PLEKHG1: variants seen among roughly 807,000 people sequenced by gnomAD.
PLEKHG1 encodes the protein pleckstrin homology domain-containing family G member 1.
A neutral mutation model predicts 100.8 loss-of-function variants in PLEKHG1; 44 were observed. The observed-to-expected ratio is 0.44, with a 90% CI of 0.34 to 0.56. PLEKHG1 has a LOEUF of 0.56. Among genes scored for constraint, PLEKHG1 ranks in the 20% least tolerant of loss-of-function variants. PLEKHG1 has a pLI of 0.01. For synonymous variants in PLEKHG1, 640 were observed against 662.5 expected, an observed-to-expected ratio of 0.97 and a Z score of 0.52; for missense variants, 1,545 against 1,720.9, an observed-to-expected ratio of 0.90 and a Z score of 1.81.
chr6:150,783,887 T>G (rs1785464263), intron 3 of PLEKHG1, among the ~76,000 whole-genome samples: 1 of 152,184 alleles, frequency 6.6e-6, no homozygotes, highest in Non-Finnish European at 1.5e-5. Flanking sequence ...TTCTACTAAA[T>G]TTTTTTGTTT....
exon 1 of PLEKHG1, chr6:150,599,969 C>T (rs926918438): frequency 4.3e-6 from 1 of 230,844 alleles, no homozygotes. Flanking sequence ...GCACCCTCCC[C>T]GCCCGACCTG....
At chr6:150,767,242 T>C (rs771071973) in intron 2 of PLEKHG1, among the ~76,000 whole-genome samples, 4 of 152,214 alleles carry the variant, frequency 2.6e-5, no homozygotes, top group Non-Finnish European at 5.9e-5. Context: ...GTCTGTCCTA[T>C]GCAGGTACTC....
intron 7 of PLEKHG1, among the ~76,000 whole-genome samples, chr6:150,805,142 T>C (rs1214330157): frequency 6.6e-6 from 1 of 151,520 alleles, no homozygotes; most frequent in South Asian, 2.1e-4. Flanking sequence ...TCCATGTTGG[T>C]CAGGCTGGTC....
upstream of PLEKHG1, among the ~76,000 whole-genome samples, chr6:150,719,972 G>A (rs546802587): frequency 6.6e-6 from 1 of 152,238 alleles, no homozygotes; most frequent in South Asian, 2.1e-4. Context: ...ATCCTATTAT[G>A]TTGTTAGTTT....
At chr6:150,800,641 C>T (rs1206178465) in intron 5 of PLEKHG1, 78 bp from the exon 7 acceptor site, 3 of 1,360,302 alleles carry the variant, frequency 2.2e-6, no homozygotes, top group Non-Finnish European at 3.1e-6. Flanking sequence ...AGGGCATTTA[C>T]ACTTGCAATA....
At chr6:150,719,295 CAA>C (rs5880896), upstream of PLEKHG1, among the ~76,000 whole-genome samples, 43 of 147,758 alleles carry the variant, frequency 2.9e-4, no homozygotes, top group Middle Eastern at 6.9e-3. Flanking sequence ...TGGCAAAAAG[CAA>C]AAAAAAAAAT....
At chr6:150,808,993 A>G in intron 7 of PLEKHG1, 112 bp from the exon 9 acceptor site, 1 of 778,718 alleles carries the variant, frequency 1.3e-6, no homozygotes, top group Non-Finnish European at 2.1e-6. Flanking sequence ...AGATAGTTAG[A>G]CCCCCTCAGG....
chr6:150,775,750 A>C (rs2128644260), intron 3 of PLEKHG1, among the ~76,000 whole-genome samples: 1 of 152,340 alleles, frequency 6.6e-6, no homozygotes, highest in South Asian at 2.1e-4. Context: ...GGATTCGTAC[A>C]ACAGCAAGGC....
intron 7 of PLEKHG1, among the ~76,000 whole-genome samples, chr6:150,805,872 A>G (rs1053113896): frequency 6.6e-6 from 1 of 152,168 alleles, no homozygotes. Context: ...CTAAAGGCCT[A>G]TCCAGCACAA....
At chr6:150,689,004 A>T (rs1429169744) in intron 3 of PLEKHG1, among the ~76,000 whole-genome samples, 1 of 152,214 alleles carries the variant, frequency 6.6e-6, no homozygotes, top group Non-Finnish European at 1.5e-5. Context: ...CCCCAAACAA[A>T]AATTCTGTAA....
At chr6:150,740,705 C>CT (rs1376286866) in intron 2 of PLEKHG1, among the ~76,000 whole-genome samples, 3 of 152,208 alleles carry the variant, frequency 2.0e-5, no homozygotes, top group Non-Finnish European at 4.4e-5. Context: ...ATTTAATGTA[C>CT]TTTTTTATGA....
At position 150,754,563 on chromosome 6, in the gene PLEKHG1, C is replaced by CA. The variant is rs917053987; in HGVS notation, c.412-14069dup. On this transcript the variant is annotated intron_variant, in intron 2 of 15. Transcript: ENST00000358517. ...GATGAGAGAGAGGACAAGTCAGTTTCAAAAAAGATATAGGTGGGAGAGGAG... is the reference window on the plus strand; with the variant it reads ...GATGAGAGAGAGGACAAGTCAGTTTCAAAAAAAGATATAGGTGGGAGAGGAG... Among the ~76,000 whole-genome samples the CA allele has an allele frequency of 4.0e-5, 6 of 151,212 alleles. No individual in the cohort carries two copies. The East Asian group carries it at 7.8e-4, about 20-fold the overall frequency.
rs572296911 is a variant in PLEKHG1 at position 150,790,316 on chromosome 6, C to T, written c.582+3857C>T. ...TGCTGGGATTACAGGCGTGAGCCACCGTGCCTGGCCAAAATCAAAATATTT... is the reference window on the plus strand; with the variant it reads ...TGCTGGGATTACAGGCGTGAGCCACTGTGCCTGGCCAAAATCAAAATATTT... On this transcript the variant is annotated intron_variant, in intron 4 of 15. Coordinates refer to ENST00000358517, the Ensembl canonical transcript of PLEKHG1. Among the ~76,000 whole-genome samples, 139 of 152,290 alleles carry T rather than the reference C, an allele frequency of 9.1e-4. 2 individuals are homozygous for T. The highest frequency in any genetic ancestry group is 3.2e-3 in the African/African-American group (132 of 41,572).
chr6:150,710,788 T>G (rs1199796278), intron 3 of PLEKHG1, among the ~76,000 whole-genome samples: 2 of 152,158 alleles, frequency 1.3e-5, no homozygotes, highest in African/African-American at 4.8e-5. Flanking sequence ...TGGTCTTTTC[T>G]CTTTGGCTGG....
Position 150,786,335 on chromosome 6 carries a change from G to A in PLEKHG1, c.513-55G>A. On this transcript the variant is annotated intron_variant, in intron 3 of 15. Coordinates refer to ENST00000358517, the Ensembl canonical transcript of PLEKHG1. ...TTTAAACTTTTAAATTATACAAAAT[G>A]TACTCACCCAGAAGACTACAATCTA... The A allele has an allele frequency of 4.5e-6, 5 of 1,109,286 alleles. No homozygotes were observed. The South Asian group carries it at 5.2e-5, about 12-fold the overall frequency. The allele number at this position is 1,109,286 out of a possible 1,614,324, so 68.7% of individuals were successfully genotyped here. A position where few individuals can be genotyped will look rare whatever the true frequency, so the allele number is the denominator to read the frequency against.
chr6:150,712,639 C>T (rs1211781516), intron 3 of PLEKHG1, among the ~76,000 whole-genome samples: 1 of 152,284 alleles, frequency 6.6e-6, no homozygotes, highest in African/African-American at 2.4e-5. Flanking sequence ...TCTTTCCTTT[C>T]CTTTGTTCTG....
intron 1 of PLEKHG1, among the ~76,000 whole-genome samples, chr6:150,634,015 G>C (rs1449315263): frequency 6.8e-6 from 1 of 147,510 alleles, no homozygotes; most frequent in Non-Finnish European, 1.5e-5. Context: ...GCCGAGGCAG[G>C]CGAATCACCT....
chr6:150,656,707 A>C (rs981036088), intron 3 of PLEKHG1, among the ~76,000 whole-genome samples: 17 of 152,232 alleles, frequency 1.1e-4, no homozygotes, highest in Admixed American at 9.8e-4. Flanking sequence ...GTTCTGTGGA[A>C]GATAGTTTGG....
intron 3 of PLEKHG1, among the ~76,000 whole-genome samples, chr6:150,664,871 T>A (rs1779337006): frequency 6.6e-6 from 1 of 152,210 alleles, no homozygotes; most frequent in Non-Finnish European, 1.5e-5. Flanking sequence ...AAGTGACAGT[T>A]ACTCTATCAG....
Sources: gnomAD v4.1 joint callset for allele counts (sites outside exome capture counted in the v4.1 genomes callset) on GRCh38, gnomAD v4.1.1 for gene constraint, MANE v1.5 for transcripts, NCBI Gene and HGNC (gene_info 2026-07-23, HGNC 2026-07-21) for gene names.